FAF1: variants seen among roughly 807,000 people sequenced by gnomAD.
FAF1 encodes the protein FAS-associated factor 1.
In FAF1, 25 loss-of-function variants were observed where a neutral mutation model predicts 92.5. The ratio of observed to expected loss-of-function variants is 0.27; its 90% CI spans 0.20 to 0.38. The LOEUF (loss-of-function observed/expected upper bound fraction) is 0.38. FAF1 is among the 10% of genes least tolerant of loss of function. The probability of loss-of-function intolerance (pLI) is 1.00; values close to 1 mark genes in which losing one functional copy is unlikely to be tolerated. For missense variants in FAF1, 636 were observed against 793.3 expected, an observed-to-expected ratio of 0.80 and a Z score of 2.38; for synonymous variants, 234 against 273.2, an observed-to-expected ratio of 0.86 and a Z score of 1.42.
At chr1:50,642,550 G>A (rs1006708767) in intron 8 of FAF1, among the ~76,000 whole-genome samples, 4 of 151,764 alleles carry the variant, frequency 2.6e-5, no homozygotes, top group Non-Finnish European at 4.4e-5. Flanking sequence ...TCAGGAGGCT[G>A]AGGCAGAAGA....
chr1:50,621,391 C>CTTTTTTTTTTT (rs36053834), intron 8 of FAF1, among the ~76,000 whole-genome samples: 14 of 89,230 alleles, frequency 1.6e-4, no homozygotes, highest in African/African-American at 4.7e-4. Context: ...TTCTTTTTTT[C>CTTTTTTTTTTT]TTTTTTTTTT....
At chr1:50,645,428 G>A (rs1654534654) in intron 8 of FAF1, among the ~76,000 whole-genome samples, 1 of 152,198 alleles carries the variant, frequency 6.6e-6, no homozygotes, top group Admixed American at 6.5e-5. Context: ...CTCCGTAAAG[G>A]GCCAGACAGT....
At chr1:50,563,893 A>G (rs1471522727) in intron 13 of FAF1, among the ~76,000 whole-genome samples, 1 of 152,218 alleles carries the variant, frequency 6.6e-6, no homozygotes, top group Non-Finnish European at 1.5e-5. Context: ...GGTTATTAGA[A>G]TCATTTAAGA....
intron 4 of FAF1, among the ~76,000 whole-genome samples, chr1:50,762,530 A>C (rs1483979371): frequency 2.0e-5 from 3 of 152,052 alleles, no homozygotes; most frequent in African/African-American, 4.8e-5. Context: ...CTCAGAAATA[A>C]CACCACATAT....
At chr1:50,836,264 G>A (rs1358756657) in intron 2 of FAF1, among the ~76,000 whole-genome samples, 1 of 142,570 alleles carries the variant, frequency 7.0e-6, no homozygotes, top group Non-Finnish European at 1.5e-5. Flanking sequence ...TTGAACTCCT[G>A]GGCTCAGGCA....
At position 50,460,710 on chromosome 1, in the gene FAF1, T is replaced by C. The variant is rs565623285; in HGVS notation, c.1869+14754A>G. 2.4e-4 allele frequency among the ~76,000 whole-genome samples: 36 copies of C among 151,884 alleles called. 1 individual carries two copies. The highest frequency in any genetic ancestry group is 8.0e-4 in the African/African-American group (33 of 41,406). On this transcript the variant is annotated intron_variant, in intron 18 of 18. Transcript: ENST00000396153. The stretch of plus-strand genomic sequence containing the variant: ...GTGTAGTGGTGCGATCACAGCTTAA[T>C]GTAGCCTCAACCTCCCAGACTGAAG...
intron 1 of FAF1, among the ~76,000 whole-genome samples, chr1:50,859,241 T>C (rs988243117): frequency 1.1e-4 from 16 of 151,836 alleles, no homozygotes; most frequent in African/African-American, 3.4e-4. Flanking sequence ...ATATTCAACA[T>C]AGTACTGGAA....
At chr1:50,501,783 C>T (rs556155985) in intron 15 of FAF1, among the ~76,000 whole-genome samples, 5 of 152,224 alleles carry the variant, frequency 3.3e-5, no homozygotes, top group African/African-American at 4.8e-5. Context: ...GAAAACACTT[C>T]GGCAGTTTGT....
intron 2 of FAF1, among the ~76,000 whole-genome samples, chr1:50,808,552 G>A (rs1208736328): frequency 6.6e-6 from 1 of 151,632 alleles, no homozygotes; most frequent in African/African-American, 2.4e-5. Context: ...CACACCCACA[G>A]GCTCAAAGTA....
intron 8 of FAF1, among the ~76,000 whole-genome samples, chr1:50,637,684 T>TGG (rs1279916596): frequency 7.1e-6 from 1 of 141,282 alleles, no homozygotes; most frequent in Non-Finnish European, 1.5e-5. Context: ...TATATATATG[T>TGG]GTGTGTGTGT....
chr1:50,597,984 T>G (rs1306521728), intron 8 of FAF1, among the ~76,000 whole-genome samples: 1 of 152,140 alleles, frequency 6.6e-6, no homozygotes, highest in Non-Finnish European at 1.5e-5. Context: ...CTCGAATCAA[T>G]ATTTTCCATC....
At chr1:50,577,252 C>T (rs1487393582) in intron 12 of FAF1, among the ~76,000 whole-genome samples, 2 of 152,200 alleles carry the variant, frequency 1.3e-5, no homozygotes, top group South Asian at 2.1e-4. Flanking sequence ...AGGCTGGGCG[C>T]GGTAGCTCAT....
intron 8 of FAF1, among the ~76,000 whole-genome samples, chr1:50,601,493 C>T (rs1421878699): frequency 1.3e-5 from 2 of 152,072 alleles, no homozygotes; most frequent in Non-Finnish European, 2.9e-5. Context: ...ACCAGCCTGA[C>T]CAACGTGGTG....
At position 50,549,721 on chromosome 1, in the gene FAF1, G is replaced by C. The variant is rs541461223; in HGVS notation, c.1269-9993C>G. ...ACCGGGGAGGTGGGGGTTGCAGTGA[G>C]CTGAGATCCCACCACTGCACTTCAG... On this transcript the variant is annotated intron_variant, in intron 13 of 18. Transcript: ENST00000396153. Among the ~76,000 whole-genome samples the C allele has an allele frequency of 8.0e-4, 122 of 152,144 alleles. 1 individual carries two copies. Among genetic ancestry groups the C allele is most frequent in the African/African-American group, 2.7e-3 (114 of 41,514 alleles).
At chr1:50,544,512 A>G (rs1273630990) in intron 13 of FAF1, among the ~76,000 whole-genome samples, 1 of 152,208 alleles carries the variant, frequency 6.6e-6, no homozygotes, top group Non-Finnish European at 1.5e-5. Context: ...CTCTCTTTGT[A>G]AGACTTTAAT....
chr1:50,466,841 T>C (rs901046377), intron 18 of FAF1, among the ~76,000 whole-genome samples: 8 of 152,336 alleles, frequency 5.3e-5, no homozygotes, highest in Non-Finnish European at 8.8e-5. Context: ...GTCTACACTC[T>C]ACCATATAGA....
intron 1 of FAF1, among the ~76,000 whole-genome samples, chr1:50,874,758 C>CTTTTTTTTTTTTTTTTTTTTTTTTTT (rs755424291): frequency 1.5e-5 from 1 of 67,226 alleles, no homozygotes; most frequent in Non-Finnish European, 2.7e-5. Flanking sequence ...TCTTTTCTTT[C>CTTTTTTTTTTTTTTTTTTTTTTTTTT]TTTTTTTTTT....
At chr1:50,653,631 C>T (rs1334844371) in intron 8 of FAF1, among the ~76,000 whole-genome samples, 4 of 152,056 alleles carry the variant, frequency 2.6e-5, no homozygotes, top group African/African-American at 4.8e-5. Context: ...TTTGGGAGGC[C>T]GAGGCAGGCT....
At chr1:50,752,795 G>T (rs557108594) in intron 4 of FAF1, among the ~76,000 whole-genome samples, 1 of 151,972 alleles carries the variant, frequency 6.6e-6, no homozygotes, top group Non-Finnish European at 1.5e-5. Context: ...TGATTCTCCC[G>T]CCTCAGCCTC....
Sources: gnomAD v4.1 joint callset for allele counts (sites outside exome capture counted in the v4.1 genomes callset) on GRCh38, gnomAD v4.1.1 for gene constraint, MANE v1.5 for transcripts, NCBI Gene and HGNC (gene_info 2026-07-23, HGNC 2026-07-21) for gene names.